The following FAT3 variants were observed in gnomAD, a reference collection of about 807,000 sequenced individuals.
FAT3 encodes protocadherin Fat 3.
Under a neutral mutation model 310.2 loss-of-function variants are expected in FAT3, and 95 were observed. The ratio of observed to expected loss-of-function variants is 0.31; its 90% CI spans 0.26 to 0.36. The LOEUF is 0.36. Ranked by LOEUF, FAT3 falls within the 10% of genes least tolerant of loss-of-function variation. The pLI is 1.00. For missense variants in FAT3, 5,408 were observed against 5,715.6 expected, an observed-to-expected ratio of 0.95 and a Z score of 1.74; for synonymous variants, 2,314 against 2,192.9, an observed-to-expected ratio of 1.06 and a Z score of -1.54.
At chr11:92,444,232 C>T (rs1951155765) in intron 2 of FAT3, among the ~76,000 whole-genome samples, 1 of 152,036 alleles carries the variant, frequency 6.6e-6, no homozygotes, top group Non-Finnish European at 1.5e-5. Context: ...CCAGTTTTCC[C>T]TTCCAGAAGT....
chr11:92,294,766 CT>C (rs1444324897), intron 1 of FAT3, among the ~76,000 whole-genome samples: 4 of 149,752 alleles, frequency 2.7e-5, no homozygotes, highest in Non-Finnish European at 6.0e-5. Flanking sequence ...CCCTCTTTTT[CT>C]TTGGAAAGGT....
Position 92,354,087 on chromosome 11 carries a change from G to A in FAT3, c.1975G>A (p.Glu659Lys). The A allele has an allele frequency of 6.2e-7, 1 of 1,613,708 alleles. No homozygotes were observed. Among genetic ancestry groups the A allele is most frequent in the Non-Finnish European group, 8.5e-7 (1 of 1,179,794 alleles). ...FALRITATDG[E>K]NLADPMSINI... ...CCTCAGAATTACAGCAACTGATGGA[G>A]AGAATCTTGCAGACCCCATGTCTAT... The change falls in exon 2 of 28, where the codon GAG becomes AAG. Residue 659 changes from glutamate (E) to lysine (K), a missense_variant. Transcript: ENST00000525166.
intron 21 of FAT3, among the ~76,000 whole-genome samples, chr11:92,859,653 T>C (rs979956502): frequency 2.6e-5 from 4 of 152,204 alleles, no homozygotes; most frequent in African/African-American, 9.6e-5. Flanking sequence ...TTTAAAAGGA[T>C]TGGCTGTATC....
intron 1 of FAT3, among the ~76,000 whole-genome samples, chr11:92,278,368 C>A (rs1263361541): frequency 6.6e-6 from 1 of 152,042 alleles, no homozygotes; most frequent in Non-Finnish European, 1.5e-5. Context: ...CAAACATTTT[C>A]TCATTTTTAT....
rs139932078 is a variant in FAT3, at chr11:92,271,009, G to A, written c.-18+45835G>A. Among the ~76,000 whole-genome samples the A allele has an allele frequency of 3.4e-3, 512 of 151,920 alleles. 3 individuals are homozygous for A. Among genetic ancestry groups the A allele is most frequent in the Middle Eastern group, 0.02 (6 of 294 alleles). On this transcript the variant is annotated intron_variant, in intron 1 of 27. Coordinates refer to ENST00000525166, the MANE Select transcript of FAT3 (RefSeq NM_001367949.2). ...TATATCCCAAAGCAGGCCACTTCTC[G>A]TCATTTTTGTTATTATAACCCCTGT...
chr11:92,617,546 G>A (rs990075791), intron 3 of FAT3, among the ~76,000 whole-genome samples: 4 of 152,148 alleles, frequency 2.6e-5, no homozygotes, highest in Non-Finnish European at 5.9e-5. Flanking sequence ...TTTCTTTGGA[G>A]GAGAAGAGGC....
At chr11:92,806,302 A>G (rs1360762076) in intron 11 of FAT3, 60 bp from the exon 12 acceptor site, 1 of 1,415,628 alleles carries the variant, frequency 7.1e-7, no homozygotes. Flanking sequence ...ATAATGCTAA[A>G]TATGGCAATT....
chr11:92,336,091 T>TG, intron 1 of FAT3: 1 of 518,286 alleles, frequency 1.9e-6, no homozygotes, highest in Non-Finnish European at 3.8e-6. Context: ...GATTCCATGA[T>TG]GGGAAGGTCT....
At chr11:92,234,724 A>T (rs1249014111) in intron 1 of FAT3, among the ~76,000 whole-genome samples, 1 of 152,102 alleles carries the variant, frequency 6.6e-6, no homozygotes, top group Non-Finnish European at 1.5e-5. Flanking sequence ...CAACATGGTG[A>T]AACCGTATCT....
chr11:92,562,193 C>T (rs1011601814), intron 3 of FAT3, among the ~76,000 whole-genome samples: 3 of 152,070 alleles, frequency 2.0e-5, no homozygotes, highest in Non-Finnish European at 2.9e-5. Flanking sequence ...TGAATCAGTA[C>T]TTGGGTGTTT....
chr11:92,603,359 A>G (rs1940121846), intron 3 of FAT3, among the ~76,000 whole-genome samples: 1 of 152,252 alleles, frequency 6.6e-6, no homozygotes, highest in Non-Finnish European at 1.5e-5. Flanking sequence ...TCACCAAAGC[A>G]TAGATGAGGG....
intron 4 of FAT3, among the ~76,000 whole-genome samples, chr11:92,753,740 A>G (rs906952771): frequency 5.4e-5 from 8 of 147,118 alleles, no homozygotes; most frequent in Non-Finnish European, 1.5e-5. Flanking sequence ...TAAAATCAGT[A>G]TATTGAAAAG....
chr11:92,863,386 T>C (rs529647662), intron 21 of FAT3, among the ~76,000 whole-genome samples: 8 of 152,192 alleles, frequency 5.3e-5, no homozygotes, highest in Non-Finnish European at 5.9e-5. Context: ...ATAATTTACA[T>C]TTTTTACTCA....
At position 92,421,840 on chromosome 11, in the gene FAT3, C is replaced by T. The variant is rs76682481; in HGVS notation, c.3292+66436C>T. ...GCTCAGCCCCAGGTAGAGGAACAGG[C>T]AGCGAGCTGAGCCCTCATAGCTCCT... On this transcript the variant is annotated intron_variant, in intron 2 of 27. Coordinates refer to ENST00000525166, the MANE Select transcript of FAT3 (RefSeq NM_001367949.2). 7.7e-4 allele frequency among the ~76,000 whole-genome samples: 118 copies of T among 152,308 alleles called. No individual in the cohort carries two copies. The East Asian group carries it at 0.019, about 24-fold the overall frequency.
intron 2 of FAT3, among the ~76,000 whole-genome samples, chr11:92,427,691 A>G (rs1430635976): frequency 6.6e-6 from 1 of 152,178 alleles, no homozygotes; most frequent in Non-Finnish European, 1.5e-5. Flanking sequence ...GCATATACCG[A>G]ACTAGCCTTG....
intron 2 of FAT3, chr11:92,400,140 T>G (rs1011742611): frequency 2.6e-5 from 4 of 152,302 alleles, no homozygotes; most frequent in Non-Finnish European, 5.9e-5. Context: ...TGTGTTAGTA[T>G]TTTTATCTAG....
At chr11:92,649,640 T>C (rs1268592258) in intron 3 of FAT3, among the ~76,000 whole-genome samples, 1 of 151,982 alleles carries the variant, frequency 6.6e-6, no homozygotes, top group East Asian at 1.9e-4. Context: ...AGCCAGACCC[T>C]CATCACTGTG....
At chr11:92,281,433 G>T (rs942084377) in intron 1 of FAT3, among the ~76,000 whole-genome samples, 1 of 152,128 alleles carries the variant, frequency 6.6e-6, no homozygotes, top group Non-Finnish European at 1.5e-5. Flanking sequence ...ATGAGTTCAA[G>T]GATCTGGCTA....
chr11:92,339,834 C>T (rs1948197056), intron 1 of FAT3, among the ~76,000 whole-genome samples: 1 of 152,046 alleles, frequency 6.6e-6, no homozygotes, highest in Admixed American at 6.6e-5. Context: ...AAGCCAGGGG[C>T]CAGGCGCGGT....
Sources: allele counts gnomAD v4.1 joint callset (sites outside exome capture counted in the v4.1 genomes callset), GRCh38; gene constraint gnomAD v4.1.1; transcripts MANE v1.5; gene names NCBI Gene and HGNC (gene_info 2026-07-23, HGNC 2026-07-21).